The following TM6SF2 variants were observed in gnomAD, a reference collection of about 807,000 sequenced individuals.
TM6SF2 encodes transmembrane 6 superfamily member 2.
A neutral mutation model predicts 41.0 loss-of-function variants in TM6SF2; 29 were observed. That is an observed-to-expected ratio of 0.71 (90% CI 0.53 to 0.96). The LOEUF is 0.96. Ranked by LOEUF, TM6SF2 falls within the 50% of genes least tolerant of loss-of-function variation. The pLI, the probability that TM6SF2 is intolerant of heterozygous loss-of-function variation, is 0.00. For synonymous variants in TM6SF2, 200 were observed against 209.1 expected (o/e 0.96, Z 0.37); for missense variants, 475 against 499.0 (o/e 0.95, Z 0.46).
rs766900807 is a variant in TM6SF2, at chr19:19,270,156, C to T, written c.401+17G>A. ...CTCTCCCAGGGTCAGGGGCCACCCT[C>T]TCCCTGCCTCCTGCACCTTCTGCAG... is the stretch of plus-strand genomic sequence containing the variant. On this transcript the variant is annotated intron_variant, in intron 4 of 9. Coordinates refer to ENST00000389363, the MANE Select transcript of TM6SF2 (RefSeq NM_001001524.3). The T allele has an allele frequency of 5.6e-6, 9 of 1,613,492 alleles. No homozygotes were observed. In the East Asian group the frequency reaches 2.0e-4, roughly 36 times the overall value.
At chr19:19,265,044 T>G (rs1162362911) in intron 9 of TM6SF2, among the ~76,000 whole-genome samples, 171 bp from the exon 10 acceptor site, 6 of 147,686 alleles carry the variant, frequency 4.1e-5, no homozygotes, top group Admixed American at 6.7e-5. Context: ...ATCTGTTTTT[T>G]TTTTTTTTTT....
rs771442632 is a variant in TM6SF2 at position 19,264,667 on chromosome 19, A to G, written c.1131T>C (p.His377=). 23 of 1,507,776 alleles carry G rather than the reference A, an allele frequency of 1.5e-5. No individual in the cohort carries two copies. The highest frequency in any genetic ancestry group is 8.9e-7 in the Non-Finnish European group (1 of 1,124,664). 93.4% of individuals were successfully genotyped at this position (1,507,776 alleles called of 1,614,324 possible). A position where few individuals can be genotyped will look rare whatever the true frequency, so the allele number is the denominator to read the frequency against. Reference sequence around the variant, plus strand: ...GGGTCCTGAGTCCACAGCTCTCTCAATGCTGCTTCTTGTGGAGGGCTAGGG... The same window carrying G: ...GGGTCCTGAGTCCACAGCTCTCTCAGTGCTGCTTCTTGTGGAGGGCTAGGG... ...SDPLALHKKQ[H] The change falls in exon 10 of 10, where the codon CAT becomes CAC. Residue 377 remains histidine, a synonymous_variant. Transcript: ENST00000389363.
chr19:19,270,911 C>A (rs2061021431), intron 2 of TM6SF2, 111 bp downstream of exon 2: 5 of 871,110 alleles, frequency 5.7e-6, no homozygotes, highest in African/African-American at 1.7e-5. Context: ...CTGATGGGAG[C>A]TCTTAAAGGG....
chr19:19,264,870 GT>G lies in TM6SF2; in HGVS notation c.927del (p.Gln310SerfsTer61). On this transcript the variant is annotated frameshift_variant and splice_region_variant, in exon 10 of 10. Transcript: ENST00000389363. LOFTEE classifies it low-confidence loss of function (END_TRUNC). ...ALVFAGGIGQ[A>X]QFSHMGASMH... is the part of the protein sequence containing the mutation. The stretch of plus-strand genomic sequence containing the variant: ...ATGGAAGCCCCCATGTGCGAGAACT[GT>G]GCCTGGTAGCCAGACAGGGAAGATG... 6.4e-7 allele frequency: 1 copy of G among 1,551,954 alleles called. No individual in the cohort carries two copies.
At chr19:19,267,197 C>T (rs552753050) in intron 8 of TM6SF2, among the ~76,000 whole-genome samples, 2 of 151,970 alleles carry the variant, frequency 1.3e-5, no homozygotes, top group African/African-American at 4.8e-5. Flanking sequence ...GGCAAAACCC[C>T]GTATCTACTA....
At chr19:19,267,925 G>T in intron 7 of TM6SF2, 61 bp downstream of exon 7, 2 of 1,336,888 alleles carry the variant, frequency 1.5e-6, no homozygotes, top group Non-Finnish European at 2.1e-6. Context: ...GTGTGGGAGA[G>T]GTGGGTCAGG....
At chr19:19,267,422 AAAG>A (rs2061007173) in intron 8 of TM6SF2, among the ~76,000 whole-genome samples, 196 bp downstream of exon 8, 1 of 151,982 alleles carries the variant, frequency 6.6e-6, no homozygotes, top group Non-Finnish European at 1.5e-5. Flanking sequence ...AAAGAAAAGA[AAAG>A]AAGAGCCCAG....
intron 6 of TM6SF2, among the ~76,000 whole-genome samples, 200 bp downstream of exon 6, chr19:19,268,430 A>G (rs539351891): frequency 1.3e-5 from 2 of 151,842 alleles, no homozygotes; most frequent in South Asian, 2.1e-4. Context: ...CTGGTCTCCA[A>G]TTCCTGGGCT....
At chr19:19,266,352 A>C in intron 9 of TM6SF2, 138 bp downstream of exon 9, 1 of 1,263,504 alleles carries the variant, frequency 7.9e-7, no homozygotes, top group Non-Finnish European at 1.1e-6. Context: ...AGACTAGGGA[A>C]TCCTGGGATA....
chr19:19,267,647 C>T lies in TM6SF2; in HGVS notation c.778G>A (p.Asp260Asn), dbSNP rs199926770. ...YIYQYEPYLR[D>N]PVAYPKVQML... is the part of the protein sequence containing the mutation. ...TGCACCTTAGGGTAGGCCACAGGGTCCCGCAGGTATGGCTCATACTGGTAG... is the reference window on the plus strand; with the variant it reads ...TGCACCTTAGGGTAGGCCACAGGGTTCCGCAGGTATGGCTCATACTGGTAG... The change falls in exon 8 of 10, where the codon GAC becomes AAC. Residue 260 changes from aspartate to asparagine, a missense_variant. By Grantham distance (23) the Asp-to-Asn change is conservative. Around this residue, in one of 3 missense-constraint regions of TM6SF2, gnomAD observed 190 missense variants for 190.2 expected, o/e 1.00. Transcript: ENST00000389363. 1.5e-4 allele frequency: 241 copies of T among 1,613,690 alleles called. No homozygotes were observed. Among genetic ancestry groups the T allele is most frequent in the Non-Finnish European group, 1.9e-4 (226 of 1,179,910 alleles).
At position 19,264,772 on chromosome 19, in the gene TM6SF2, C is replaced by T; in HGVS notation, c.1026G>A (p.Leu342=). The change falls in exon 10 of 10, where the codon CTG becomes CTA. Residue 342 remains leucine (L), a synonymous_variant. Coordinates refer to ENST00000389363, the MANE Select transcript of TM6SF2 (RefSeq NM_001001524.3). ...TWGCFFVCNL[L]YALGPHLLAY... is the part of the protein sequence containing the mutation. ...CCAGCAGGTGGGGGCCCAGCGCATACAGCAGATTGCACACGAAGAAGCAGC... is the reference window on the plus strand; with the variant it reads ...CCAGCAGGTGGGGGCCCAGCGCATATAGCAGATTGCACACGAAGAAGCAGC... The T allele has an allele frequency of 6.2e-7, 1 of 1,610,868 alleles. No homozygotes were observed. The highest frequency in any genetic ancestry group is 2.2e-5 in the East Asian group (1 of 44,596).
rs1401840464 is a variant in TM6SF2, at chr19:19,264,837, G to A, written c.961C>T (p.Arg321Cys). 19 of 1,593,366 alleles carry A rather than the reference G, an allele frequency of 1.2e-5. No individual in the cohort carries two copies. The highest frequency in any genetic ancestry group is 2.3e-5 in the East Asian group (1 of 42,756). ...GGCACACGGTAGGTGAAGGGTGTGC[G>A]CAGGTGCATGGAAGCCCCCATGTGC... ...FSHMGASMHL[R>C]TPFTYRVPED... is the part of the protein sequence containing the mutation. The change falls in exon 10 of 10, where the codon CGC (arginine) becomes TGC (cysteine). Residue 321 changes from arginine (R) to cysteine (C), a missense_variant. Arg to Cys is a radical substitution (Grantham distance 180). This residue lies in a region of TM6SF2 where 190 missense variants were observed against 190.2 expected (regional missense o/e 1.00). Coordinates refer to ENST00000389363, the MANE Select transcript of TM6SF2 (RefSeq NM_001001524.3).
In TM6SF2 at chr19:19,268,690, G is replaced by A. The variant is rs753487399; in HGVS notation, c.549C>T (p.Cys183=). The A allele has an allele frequency of 6.3e-7, 1 of 1,592,970 alleles. No individual in the cohort carries two copies. The highest frequency in any genetic ancestry group is 1.4e-5 in the African/African-American group (1 of 73,278). Reference sequence around the variant, plus strand: ...GGCTGAAGACCTTCATGCCAGCCCAGCATGGCACCAGCAGGTAGGGGATGG... The same window carrying A: ...GGCTGAAGACCTTCATGCCAGCCCAACATGGCACCAGCAGGTAGGGGATGG... ...FLTIPYLLVP[C]WAGMKVFSQP... Residue 183 remains cysteine, a synonymous_variant, in exon 6 of 10, where the codon TGC becomes TGT. Coordinates refer to ENST00000389363, the MANE Select transcript of TM6SF2 (RefSeq NM_001001524.3).
At chr19:19,267,386 G>C (rs1011919840) in intron 8 of TM6SF2, among the ~76,000 whole-genome samples, 1 of 141,028 alleles carries the variant, frequency 7.1e-6, no homozygotes, top group South Asian at 2.2e-4. Flanking sequence ...AAAAAAAAAA[G>C]AAAAAGAAAG....
intron 6 of TM6SF2, 59 bp from the exon 7 acceptor site, chr19:19,268,146 G>A: frequency 8.3e-7 from 1 of 1,206,666 alleles, no homozygotes; most frequent in Non-Finnish European, 1.2e-6. Context: ...GTATTCAGTA[G>A]GTACTCAATA....
Position 19,273,231 on chromosome 19 carries a change from A to AC in TM6SF2, c.-17dup, listed in dbSNP as rs1175617551. ...GGATGTCCATAGCGGCGGCTGCTGGACCCCGGCTCAGCCCCGACGCGTTCT... is the reference window on the plus strand; with the variant it reads ...GGATGTCCATAGCGGCGGCTGCTGGACCCCCGGCTCAGCCCCGACGCGTTCT... On this transcript the variant is annotated 5_prime_UTR_variant, in exon 1 of 10. Coordinates refer to ENST00000389363, the MANE Select transcript of TM6SF2 (RefSeq NM_001001524.3). The AC allele has an allele frequency of 7.2e-7, 1 of 1,390,922 alleles. No homozygotes were observed. The highest frequency in any genetic ancestry group is 9.3e-7 in the Non-Finnish European group (1 of 1,072,956). 86.2% of individuals were successfully genotyped at this position (1,390,922 alleles called of 1,614,324 possible).
Position 19,264,702 on chromosome 19 carries a change from G to A in TM6SF2, c.1096C>T (p.Pro366Ser), listed in dbSNP as rs2060996372. The change falls in exon 10 of 10, where the codon CCC becomes TCC. Residue 366 changes from proline (P) to serine (S), a missense_variant. Around this residue, in one of 3 missense-constraint regions of TM6SF2, gnomAD observed 190 missense variants for 190.2 expected, o/e 1.00. Transcript: ENST00000389363. ...TTGTGGAGGGCTAGGGGGTCGGAGG[G>A]TGGTGGCTGGTGGAAGAATGCGGGC... ...QWPAFFHQPP[P>S]SDPLALHKKQ... The A allele has an allele frequency of 3.2e-6, 5 of 1,583,700 alleles. No individual in the cohort carries two copies. Among genetic ancestry groups the A allele is most frequent in the Non-Finnish European group, 4.3e-6 (5 of 1,163,972 alleles).
intron 2 of TM6SF2, 45 bp from the exon 3 acceptor site, chr19:19,270,487 T>C: frequency 6.3e-7 from 1 of 1,575,670 alleles, no homozygotes; most frequent in Non-Finnish European, 8.6e-7. Flanking sequence ...AGGGGACACG[T>C]GTGGGTGGGG....
At chr19:19,266,359 G>A (rs1429443039) in intron 9 of TM6SF2, 131 bp downstream of exon 9, 4 of 1,324,686 alleles carry the variant, frequency 3.0e-6, no homozygotes, top group African/African-American at 2.9e-5. Flanking sequence ...GGAATCCTGG[G>A]ATATTGGGCC....
Sources: allele counts gnomAD v4.1 joint callset (sites outside exome capture counted in the v4.1 genomes callset), GRCh38; gene constraint gnomAD v4.1.1; regional missense constraint gnomAD v4.1.1; transcripts MANE v1.5; gene names NCBI Gene and HGNC (gene_info 2026-07-23, HGNC 2026-07-21).